RYR3: variants seen among roughly 807,000 people sequenced by gnomAD.
RYR3 encodes brain ryanodine receptor-calcium release channel.
In RYR3, 207 loss-of-function variants were observed where a neutral mutation model predicts 584.3. The observed-to-expected ratio is 0.35, with a 90% CI of 0.32 to 0.40. The LOEUF is 0.40. Among genes scored for constraint, RYR3 ranks in the 10% least tolerant of loss-of-function variants. RYR3 has a pLI of 1.00. For synonymous variants in RYR3, 2,416 were observed against 2,248.5 expected (o/e 1.07, Z -2.11); for missense variants, 5,616 against 6,089.2 (o/e 0.92, Z 2.59).
At chr15:33,447,686 A>C (rs1405697355) in intron 1 of RYR3, among the ~76,000 whole-genome samples, 8 of 152,124 alleles carry the variant, frequency 5.3e-5, no homozygotes, top group African/African-American at 1.9e-4. Context: ...ATAAAATAAA[A>C]ATTCAGTTCC....
chr15:33,336,468 GAGAGAGAGAGAGAGAGAGAA>G (rs1567046786), intron 1 of RYR3, among the ~76,000 whole-genome samples: 2 of 18,372 alleles, frequency 1.1e-4, no homozygotes, highest in South Asian at 1.5e-3. Flanking sequence ...GAGAGAGAGA[GAGAGAGAGAGAGAGAGAGAA>G]AGAAAGAAAG....
intron 94 of RYR3, 100 bp downstream of exon 94, chr15:33,848,521 T>C: frequency 7.3e-7 from 1 of 1,376,448 alleles, no homozygotes; most frequent in Non-Finnish European, 9.8e-7. Flanking sequence ...ATATAAACTG[T>C]CTTTTGATTT....
intron 43 of RYR3, among the ~76,000 whole-genome samples, chr15:33,709,868 G>A (rs1459661305): frequency 6.6e-6 from 1 of 152,194 alleles, no homozygotes. Context: ...AAAGGTAGGT[G>A]GTTATAATGG....
intron 1 of RYR3, among the ~76,000 whole-genome samples, chr15:33,320,415 G>A (rs141601524): frequency 1.9e-3 from 292 of 152,306 alleles, no homozygotes; most frequent in African/African-American, 6.7e-3. Context: ...CATTCAACAT[G>A]TATTGACCAA....
intron 70 of RYR3, among the ~76,000 whole-genome samples, chr15:33,808,580 AC>A (rs2076333366): frequency 6.6e-6 from 1 of 152,218 alleles, no homozygotes; most frequent in African/African-American, 2.4e-5. Context: ...TATACATATA[AC>A]CAGGTTCTAT....
At chr15:33,723,936 G>A (rs543007888) in intron 44 of RYR3, 129 bp from the exon 45 acceptor site, 60 of 603,712 alleles carry the variant, frequency 9.9e-5, no homozygotes, top group East Asian at 6.2e-4. Context: ...AGAGGAAGAC[G>A]AGGTTCCAAG....
intron 25 of RYR3, among the ~76,000 whole-genome samples, chr15:33,635,400 A>G (rs1188969383): frequency 1.3e-5 from 2 of 152,190 alleles, no homozygotes; most frequent in African/African-American, 2.4e-5. Flanking sequence ...TCTCTAAAGG[A>G]TCTACTATGA....
At position 33,724,157 on chromosome 15, in the gene RYR3, G is replaced by A. The variant is rs779357863; in HGVS notation, c.6893G>A (p.Arg2298His). 6 of 1,604,964 alleles carry A rather than the reference G, an allele frequency of 3.7e-6. No individual in the cohort carries two copies. Among genetic ancestry groups the A allele is most frequent in the Admixed American group, 1.7e-5 (1 of 59,824 alleles). Residue 2298 changes from arginine (R) to histidine (H), a missense_variant, in exon 45 of 104, where the codon CGC (arginine) becomes CAC (histidine). Around this residue, in one of 9 missense-constraint regions of RYR3, gnomAD observed 1,280 missense variants for 1,426.2 expected, o/e 0.90. Coordinates refer to ENST00000634891, the MANE Select transcript of RYR3 (RefSeq NM_001036.6). Reference sequence around the variant, plus strand: ...TCGGCCCTTATAGATCTACTGGGCCGCTGTGCTCCTGAAATGCACGTAAGT... The same window carrying A: ...TCGGCCCTTATAGATCTACTGGGCCACTGTGCTCCTGAAATGCACGTAAGT... ...FYSALIDLLG[R>H]CAPEMHLIQT...
At chr15:33,768,792 C>T (rs1271812736) in intron 61 of RYR3, 85 bp downstream of exon 61, 2 of 1,328,294 alleles carry the variant, frequency 1.5e-6, no homozygotes, top group Non-Finnish European at 2.2e-6. Flanking sequence ...CTTCCTCAGA[C>T]AACCCGGGCC....
intron 1 of RYR3, among the ~76,000 whole-genome samples, chr15:33,455,762 G>A (rs536766209): frequency 6.6e-6 from 1 of 152,160 alleles, no homozygotes; most frequent in East Asian, 1.9e-4. Context: ...GAAGAAAAAA[G>A]TATTAGATAC....
At chr15:33,512,995 A>C (rs2053173505) in intron 3 of RYR3, among the ~76,000 whole-genome samples, 1 of 152,196 alleles carries the variant, frequency 6.6e-6, no homozygotes, top group Non-Finnish European at 1.5e-5. Context: ...GGGTTGTAAA[A>C]ATGAATTTCA....
intron 3 of RYR3, among the ~76,000 whole-genome samples, chr15:33,522,968 A>C (rs1380484885): frequency 6.6e-6 from 1 of 152,200 alleles, no homozygotes; most frequent in African/African-American, 2.4e-5. Context: ...TGTTTGGAAA[A>C]TGCCCCATCA....
intron 48 of RYR3, 40 bp from the exon 49 acceptor site, chr15:33,736,195 T>A: frequency 3.1e-6 from 4 of 1,302,988 alleles, no homozygotes; most frequent in Non-Finnish European, 2.2e-6. Flanking sequence ...ATTATTATGT[T>A]TTCATTTTAT....
At chr15:33,699,165 G>A (rs1370087600) in intron 40 of RYR3, among the ~76,000 whole-genome samples, 3 of 151,912 alleles carry the variant, frequency 2.0e-5, no homozygotes, top group African/African-American at 7.3e-5. Context: ...TTGACCCAGG[G>A]CACTTGGGCT....
intron 1 of RYR3, among the ~76,000 whole-genome samples, chr15:33,422,822 A>T (rs2044335136): frequency 1.3e-5 from 2 of 152,176 alleles, no homozygotes; most frequent in Admixed American, 1.3e-4. Flanking sequence ...AGCCTGCAGA[A>T]AGCCATTGAA....
chr15:33,641,478 G>T (rs972628288), intron 27 of RYR3, among the ~76,000 whole-genome samples: 3 of 152,196 alleles, frequency 2.0e-5, no homozygotes, highest in Admixed American at 6.5e-5. Flanking sequence ...AAAGTTACAA[G>T]ATTTTTAAAT....
chr15:33,828,667 G>C (rs115458702), intron 85 of RYR3, among the ~76,000 whole-genome samples: 1 of 152,238 alleles, frequency 6.6e-6, no homozygotes, highest in Non-Finnish European at 1.5e-5. Context: ...TGAAGGCTGA[G>C]AGAGGTAAGG....
intron 43 of RYR3, among the ~76,000 whole-genome samples, chr15:33,714,574 T>G (rs2067359446): frequency 6.6e-6 from 1 of 152,298 alleles, no homozygotes; most frequent in East Asian, 1.9e-4. Flanking sequence ...TATTGTAGAC[T>G]CTGAGAAGGA....
intron 1 of RYR3, among the ~76,000 whole-genome samples, chr15:33,338,653 G>C (rs557659993): frequency 6.6e-6 from 1 of 152,262 alleles, no homozygotes; most frequent in Admixed American, 6.5e-5. Context: ...GGAACCGAAA[G>C]GGGGAGGCAG....
Sources: allele counts gnomAD v4.1 joint callset (sites outside exome capture counted in the v4.1 genomes callset), GRCh38; gene constraint gnomAD v4.1.1; regional missense constraint gnomAD v4.1.1; transcripts MANE v1.5; gene names NCBI Gene and HGNC (gene_info 2026-07-23, HGNC 2026-07-21).